The following TSPAN8 variants were observed in gnomAD, a reference collection of about 807,000 sequenced individuals.
TSPAN8 encodes the protein tetraspanin-8.
A neutral mutation model predicts 32.8 loss-of-function variants in TSPAN8; 21 were observed. The ratio of observed to expected loss-of-function variants is 0.64; its 90% CI spans 0.45 to 0.92. The LOEUF is 0.92. Ranked by LOEUF, TSPAN8 falls within the 40% of genes least tolerant of loss-of-function variation. The pLI is 0.00. For missense variants in TSPAN8, 269 were observed against 281.9 expected (o/e 0.95, Z 0.33); for synonymous variants, 95 against 94.6 (o/e 1.00, Z -0.03).
At chr12:71,140,806 T>C (rs113319213) in intron 3 of TSPAN8, among the ~76,000 whole-genome samples, 1,680 of 152,318 alleles carry the variant, frequency 0.011, 31 homozygotes, top group African/African-American at 0.037. Context: ...AAATCCTATA[T>C]GTAGCCCATT....
At chr12:71,145,547 C>T (rs576141979) in intron 2 of TSPAN8, among the ~76,000 whole-genome samples, 161 of 152,218 alleles carry the variant, frequency 1.1e-3, no homozygotes, top group African/African-American at 3.6e-3. Context: ...ACACAGCTTT[C>T]GTGTTTGAAA....
At position 71,138,142 on chromosome 12, in the gene TSPAN8, A is replaced by G; in HGVS notation, c.336+14T>C. ...TCAAACTTCTTCAAAATTTTCAAAC[A>G]TCTGTGCACACACCTTAGATTTGAA... On this transcript the variant is annotated intron_variant, in intron 5 of 8. Coordinates refer to ENST00000247829, the MANE Select transcript of TSPAN8 (RefSeq NM_004616.3). The G allele has an allele frequency of 6.2e-7, 1 of 1,612,410 alleles. No homozygotes were observed. The highest frequency in any genetic ancestry group is 8.5e-7 in the Non-Finnish European group (1 of 1,179,342).
chr12:71,132,584 T>C lies in TSPAN8; in HGVS notation c.576+109A>G, dbSNP rs559477725. 22 of 1,294,114 alleles carry C rather than the reference T, an allele frequency of 1.7e-5. No individual in the cohort carries two copies. The South Asian group carries it at 3.4e-4, about 20-fold the overall frequency. 80.2% of individuals were successfully genotyped at this position (1,294,114 alleles called of 1,614,324 possible). A position where few individuals can be genotyped will look rare whatever the true frequency, so the allele number is the denominator to read the frequency against. ...ATTTGGGAAATTTCTGAGATTTTTATATCATGATTCCCATGGTACTCCATG... is the reference window on the plus strand; with the variant it reads ...ATTTGGGAAATTTCTGAGATTTTTACATCATGATTCCCATGGTACTCCATG... On this transcript the variant is annotated intron_variant, in intron 7 of 8. Transcript: ENST00000247829.
intron 3 of TSPAN8, 48 bp downstream of exon 3, chr12:71,144,103 T>C: frequency 1.3e-6 from 2 of 1,519,296 alleles, no homozygotes; most frequent in Non-Finnish European, 1.8e-6. Flanking sequence ...TTATTATAAA[T>C]GAAATAAACT....
At chr12:71,151,066 A>ATTT (rs60574643) in intron 2 of TSPAN8, among the ~76,000 whole-genome samples, 1 of 141,010 alleles carries the variant, frequency 7.1e-6, no homozygotes, top group South Asian at 2.2e-4. Flanking sequence ...CGTGCATCTT[A>ATTT]TTTTTTTTTT....
At chr12:71,155,822 GC>G (rs1872408694) in intron 2 of TSPAN8, among the ~76,000 whole-genome samples, 2 of 151,592 alleles carry the variant, frequency 1.3e-5, no homozygotes, top group Non-Finnish European at 2.9e-5. Context: ...ACCTCCCCCT[GC>G]CAGGTTCAAG....
chr12:71,144,631 G>A (rs1033100480), intron 2 of TSPAN8, among the ~76,000 whole-genome samples: 6 of 152,090 alleles, frequency 3.9e-5, no homozygotes, highest in South Asian at 2.1e-4. Context: ...AGGGAATGAC[G>A]GAATAGTCAC....
In TSPAN8 at chr12:71,125,294, A is replaced by G. The variant is rs1871315326; in HGVS notation, c.*40T>C. On this transcript the variant is annotated 3_prime_UTR_variant, in exon 9 of 9. Coordinates refer to ENST00000247829, the MANE Select transcript of TSPAN8 (RefSeq NM_004616.3). Reference sequence around the variant, plus strand: ...ATTTACAAAGCCAAAGCAACATTTTAAAGGGGTTTGACTGACGATAGGTTG... The same window carrying G: ...ATTTACAAAGCCAAAGCAACATTTTGAAGGGGTTTGACTGACGATAGGTTG... 3 of 1,568,974 alleles carry G rather than the reference A, an allele frequency of 1.9e-6. No homozygotes were observed. The highest frequency in any genetic ancestry group is 2.7e-5 in the African/African-American group (2 of 73,272).
chr12:71,144,283 C>G (rs1872001965), intron 2 of TSPAN8, 70 bp from the exon 3 acceptor site: 1 of 1,404,990 alleles, frequency 7.1e-7, no homozygotes, highest in African/African-American at 1.4e-5. Flanking sequence ...CCACACCCTC[C>G]TATCTATCCG....
intron 4 of TSPAN8, 85 bp downstream of exon 4, chr12:71,139,626 C>T (rs1331163634): frequency 6.7e-7 from 1 of 1,490,222 alleles, no homozygotes; most frequent in African/African-American, 1.4e-5. Flanking sequence ...TCAATCATGG[C>T]ACGTTCTTTT....
At chr12:71,152,660 C>T (rs937881424) in intron 2 of TSPAN8, among the ~76,000 whole-genome samples, 32 of 152,132 alleles carry the variant, frequency 2.1e-4, no homozygotes, top group African/African-American at 6.5e-4. Context: ...GACTCTAATG[C>T]CTTTTGGTGC....
At chr12:71,150,072 G>A (rs1322244046) in intron 2 of TSPAN8, among the ~76,000 whole-genome samples, 1 of 152,164 alleles carries the variant, frequency 6.6e-6, no homozygotes, top group Non-Finnish European at 1.5e-5. Flanking sequence ...GTCTTATGTG[G>A]TTGAGATAAG....
intron 3 of TSPAN8, among the ~76,000 whole-genome samples, chr12:71,141,579 G>A (rs1271076965): frequency 1.3e-5 from 2 of 152,196 alleles, no homozygotes; most frequent in Non-Finnish European, 2.9e-5. Flanking sequence ...AGTGTGACCA[G>A]CACTTGTGCA....
At chr12:71,125,671 G>A (rs865998886) in intron 8 of TSPAN8, among the ~76,000 whole-genome samples, 4 of 152,028 alleles carry the variant, frequency 2.6e-5, no homozygotes, top group African/African-American at 9.7e-5. Flanking sequence ...GCCACCAGAG[G>A]ACCTACTCCC....
intron 3 of TSPAN8, among the ~76,000 whole-genome samples, chr12:71,141,488 G>A (rs1871902639): frequency 6.6e-6 from 1 of 152,046 alleles, no homozygotes; most frequent in East Asian, 1.9e-4. Flanking sequence ...TGGAAGCCTC[G>A]CTAGCTGGGT....
rs774511407 is a variant in TSPAN8 at position 71,137,977 on chromosome 12, T to G, written c.420A>C (p.Glu140Asp). 25 of 1,613,642 alleles carry G rather than the reference T, an allele frequency of 1.5e-5. No homozygotes were observed. The East Asian group carries it at 4.9e-4, about 32-fold the overall frequency. Residue 140 changes from glutamate (E) to aspartate (D), a missense_variant, in exon 6 of 9, where the codon GAA becomes GAC. Transcript: ENST00000247829. ...CCTCTTCTTGAAACACAATTATGGC[T>G]TCCTGGAATTGTTTTTCACTTTCCC... is the stretch of plus-strand genomic sequence containing the variant. The part of the protein sequence containing the change: ...ATGESEKQFQ[E>D]AIIVFQEEFK...
At chr12:71,155,315 C>T (rs1248840052) in intron 2 of TSPAN8, among the ~76,000 whole-genome samples, 1 of 152,128 alleles carries the variant, frequency 6.6e-6, no homozygotes, top group Non-Finnish European at 1.5e-5. Flanking sequence ...CACAATCAAA[C>T]CTCCAGTGCC....
chr12:71,144,027 G>T (rs2137055803), intron 3 of TSPAN8, 124 bp downstream of exon 3: 1 of 737,162 alleles, frequency 1.4e-6, no homozygotes, highest in Non-Finnish European at 2.2e-6. Flanking sequence ...CAGCACAAGT[G>T]ATTACATGAA....
chr12:71,140,565 A>C (rs1261431162), intron 3 of TSPAN8, among the ~76,000 whole-genome samples: 1 of 152,034 alleles, frequency 6.6e-6, no homozygotes, highest in Non-Finnish European at 1.5e-5. Context: ...TCATCTAGAA[A>C]CTCTATTTTG....
Sources: allele counts gnomAD v4.1 joint callset (sites outside exome capture counted in the v4.1 genomes callset), GRCh38; gene constraint gnomAD v4.1.1; transcripts MANE v1.5; gene names NCBI Gene and HGNC (gene_info 2026-07-23, HGNC 2026-07-21).